COLEC12: variants seen among roughly 807,000 people sequenced by gnomAD.
COLEC12 encodes collectin subfamily member 12.
A neutral mutation model predicts 71.1 loss-of-function variants in COLEC12; 33 were observed. The observed-to-expected ratio is 0.46, with a 90% confidence interval of 0.35 to 0.62. The LOEUF (loss-of-function observed/expected upper bound fraction) is 0.62. COLEC12 is among the 20% of genes least tolerant of loss of function. The probability of loss-of-function intolerance (pLI) is 0.00; values close to 1 mark genes in which losing one functional copy is unlikely to be tolerated. For synonymous variants in COLEC12, 350 were observed against 353.0 expected (o/e 0.99, Z 0.10); for missense variants, 765 against 916.1 (o/e 0.84, Z 2.13).
intron 2 of COLEC12, among the ~76,000 whole-genome samples, chr18:414,521 C>A (rs1915951950): frequency 6.6e-6 from 1 of 152,076 alleles, no homozygotes; most frequent in Non-Finnish European, 1.5e-5. Flanking sequence ...TCACTTGAAC[C>A]CGGGAGGCGG....
intron 2 of COLEC12, among the ~76,000 whole-genome samples, chr18:414,847 T>G (rs1382629808): frequency 6.6e-6 from 1 of 152,202 alleles, no homozygotes; most frequent in Non-Finnish European, 1.5e-5. Context: ...CTAGAACTGC[T>G]GATTAAGGTC....
chr18:445,524 T>C (rs886947681), intron 2 of COLEC12, among the ~76,000 whole-genome samples: 19 of 152,100 alleles, frequency 1.2e-4, no homozygotes, highest in African/African-American at 4.6e-4. Flanking sequence ...TTTAGTATAT[T>C]CAAAGACTTG....
intron 2 of COLEC12, among the ~76,000 whole-genome samples, chr18:412,481 G>GA (rs201793548): frequency 0.016 from 1,745 of 106,544 alleles, 15 homozygotes; most frequent in Non-Finnish European, 0.024. Flanking sequence ...GCTCTAAACA[G>GA]AAAAAAAAAA....
chr18:358,997 CGAT>C (rs1322364781), intron 2 of COLEC12, among the ~76,000 whole-genome samples: 3 of 151,912 alleles, frequency 2.0e-5, no homozygotes, highest in Non-Finnish European at 4.4e-5. Context: ...ATGATAATTA[CGAT>C]GATAATTTCA....
At chr18:352,812 G>A (rs1160382863) in intron 3 of COLEC12, among the ~76,000 whole-genome samples, 2 of 152,168 alleles carry the variant, frequency 1.3e-5, no homozygotes, top group East Asian at 3.9e-4. Flanking sequence ...CAGTCGCAGA[G>A]CCATCCTGTA....
At position 389,080 on chromosome 18, in the gene COLEC12, T is replaced by C. The variant is rs1915404980; in HGVS notation, c.59-31558A>G. Among the ~76,000 whole-genome samples, 3 of 152,056 alleles carry C rather than the reference T, an allele frequency of 2.0e-5. No homozygotes were observed. In the South Asian group the frequency reaches 6.2e-4, roughly 32 times the overall value. On this transcript the variant is annotated intron_variant, in intron 2 of 9. Coordinates refer to ENST00000400256, the MANE Select transcript of COLEC12 (RefSeq NM_130386.3). The stretch of plus-strand genomic sequence containing the variant: ...GGAAAAGATGAGCTTGTTGATACAA[T>C]TGGATTTATAATTGATAGCATTCAG...
intron 1 of COLEC12, among the ~76,000 whole-genome samples, chr18:486,939 C>G (rs570417566): frequency 6.6e-6 from 1 of 152,224 alleles, no homozygotes; most frequent in East Asian, 1.9e-4. Context: ...CATAAAGTTA[C>G]CATACAATCC....
chr18:366,597 G>A (rs11874629), intron 2 of COLEC12, among the ~76,000 whole-genome samples: 7,338 of 152,162 alleles, frequency 0.048, 581 homozygotes, highest in African/African-American at 0.16. Flanking sequence ...GCTGTGTTGC[G>A]TTTGCATTTC....
chr18:472,559 T>C (rs1917218490), intron 2 of COLEC12, among the ~76,000 whole-genome samples: 1 of 151,070 alleles, frequency 6.6e-6, no homozygotes, highest in Admixed American at 6.6e-5. Flanking sequence ...TGGTAGCATG[T>C]GCTTGTGGTC....
At chr18:368,142 G>A (rs555717518) in intron 2 of COLEC12, among the ~76,000 whole-genome samples, 2 of 152,306 alleles carry the variant, frequency 1.3e-5, no homozygotes, top group African/African-American at 4.8e-5. Flanking sequence ...CCTTTATATG[G>A]AGTTTAGAAA....
rs1399794406 is a variant in COLEC12 at position 362,968 on chromosome 18, T to C, written c.59-5446A>G. ...AATAGGCTGACAATTTGGTCCCCAG[T>C]GCCCAAACTCAAAGTCCCCTGGGCT... is the stretch of plus-strand genomic sequence containing the variant. On this transcript the variant is annotated intron_variant, in intron 2 of 9. Coordinates refer to ENST00000400256, the MANE Select transcript of COLEC12 (RefSeq NM_130386.3). The surrounding 1 kb of genome is among the most constrained non-coding windows in gnomAD (Gnocchi z 4.6). 6.6e-6 allele frequency among the ~76,000 whole-genome samples: 1 copy of C among 152,114 alleles called. No individual in the cohort carries two copies. Among genetic ancestry groups the C allele is most frequent in the East Asian group, 1.9e-4 (1 of 5,192 alleles).
At chr18:418,924 T>C (rs1916041380) in intron 2 of COLEC12, among the ~76,000 whole-genome samples, 1 of 152,186 alleles carries the variant, frequency 6.6e-6, no homozygotes, top group South Asian at 2.1e-4. Context: ...CCCTGATTTC[T>C]TTCTTGTGCG....
At chr18:385,070 G>A (rs567148164) in intron 2 of COLEC12, among the ~76,000 whole-genome samples, 2 of 152,284 alleles carry the variant, frequency 1.3e-5, no homozygotes, top group African/African-American at 2.4e-5. Flanking sequence ...TGTTTACATG[G>A]TTGTCCAAGT....
At chr18:340,088 AAAAC>A (rs1914214700) in intron 5 of COLEC12, among the ~76,000 whole-genome samples, 1 of 151,438 alleles carries the variant, frequency 6.6e-6, no homozygotes, top group African/African-American at 2.4e-5. Flanking sequence ...AAAAAAAAAA[AAAAC>A]AAAAAGAACA....
chr18:373,540 T>G (rs1016080672), intron 2 of COLEC12, among the ~76,000 whole-genome samples: 5 of 152,198 alleles, frequency 3.3e-5, no homozygotes, highest in Non-Finnish European at 7.3e-5. Flanking sequence ...TATAGTTTAT[T>G]GTATATAATT....
chr18:453,729 C>T (rs988491356), intron 2 of COLEC12, among the ~76,000 whole-genome samples: 6 of 152,178 alleles, frequency 3.9e-5, no homozygotes, highest in African/African-American at 7.2e-5. Flanking sequence ...CATGCAATTA[C>T]GCTCCACTGA....
chr18:340,362 C>A (rs1402295772), intron 5 of COLEC12, among the ~76,000 whole-genome samples: 1 of 152,168 alleles, frequency 6.6e-6, no homozygotes, highest in Non-Finnish European at 1.5e-5. Flanking sequence ...ACCAGAGCTC[C>A]AAGCAGCCCG....
At chr18:433,025 T>C (rs1349252022) in intron 2 of COLEC12, among the ~76,000 whole-genome samples, 2 of 152,180 alleles carry the variant, frequency 1.3e-5, no homozygotes, top group African/African-American at 4.8e-5. Context: ...CACAGTGTGA[T>C]GATTGTTAGG....
intron 2 of COLEC12, among the ~76,000 whole-genome samples, chr18:425,585 G>A (rs1436284253): frequency 6.6e-6 from 1 of 152,172 alleles, no homozygotes; most frequent in African/African-American, 2.4e-5. Flanking sequence ...CAGCGCTGGG[G>A]GAAGAGGTGG....
Sources: allele counts gnomAD v4.1 joint callset (sites outside exome capture counted in the v4.1 genomes callset), GRCh38; gene constraint gnomAD v4.1.1; non-coding constraint Gnocchi (gnomAD v3.1); transcripts MANE v1.5; gene names NCBI Gene and HGNC (gene_info 2026-07-23, HGNC 2026-07-21).